KLHL6: variants seen among roughly 807,000 people sequenced by gnomAD.
KLHL6 encodes the protein kelch-like protein 6.
Under a neutral mutation model 58.6 loss-of-function variants are expected in KLHL6, and 41 were observed. The observed-to-expected ratio is 0.70, with a 90% CI of 0.55 to 0.91. The LOEUF (loss-of-function observed/expected upper bound fraction) is 0.91. Among genes scored for constraint, KLHL6 ranks in the 40% least tolerant of loss-of-function variants. The pLI, the probability that KLHL6 is intolerant of heterozygous loss-of-function variation, is 0.00. For synonymous variants in KLHL6, 338 were observed against 322.7 expected, an observed-to-expected ratio of 1.05 and a Z score of -0.51; for missense variants, 714 against 805.6, an observed-to-expected ratio of 0.89 and a Z score of 1.38.
intron 1 of KLHL6, among the ~76,000 whole-genome samples, chr3:183,530,794 G>A (rs148008113): frequency 3.4e-4 from 51 of 151,396 alleles, no homozygotes; most frequent in East Asian, 2.3e-3. Context: ...TGGATTTGAC[G>A]GTAAAAAACA....
intron 4 of KLHL6, among the ~76,000 whole-genome samples, chr3:183,495,921 G>C (rs147998746): frequency 1.3e-5 from 2 of 152,204 alleles, no homozygotes; most frequent in African/African-American, 4.8e-5. Flanking sequence ...TTAAATAAAT[G>C]TTATTAGAAC....
chr3:183,523,463 C>A (rs1461953281), intron 2 of KLHL6, among the ~76,000 whole-genome samples: 1 of 152,220 alleles, frequency 6.6e-6, no homozygotes, highest in Non-Finnish European at 1.5e-5. Context: ...GCCAGATGAC[C>A]AAGCTCCCAC....
At chr3:183,536,790 T>C (rs1321093500) in intron 1 of KLHL6, among the ~76,000 whole-genome samples, 1 of 152,174 alleles carries the variant, frequency 6.6e-6, no homozygotes. Context: ...ACAACCCTTA[T>C]CTCTTCAGCA....
At chr3:183,549,371 G>A (rs898987830) in intron 1 of KLHL6, among the ~76,000 whole-genome samples, 1 of 152,190 alleles carries the variant, frequency 6.6e-6, no homozygotes, top group Non-Finnish European at 1.5e-5. Flanking sequence ...TTCCAATATT[G>A]TGGATCAGAA....
Position 183,499,548 on chromosome 3 carries a change from T to C in KLHL6, c.1147+42A>G. The C allele has an allele frequency of 1.5e-6, 2 of 1,358,014 alleles. No homozygotes were observed. The highest frequency in any genetic ancestry group is 2.0e-6 in the Non-Finnish European group (2 of 977,470). The allele number at this position is 1,358,014 out of a possible 1,614,324, so 84.1% of individuals were successfully genotyped here. On this transcript the variant is annotated intron_variant, in intron 4 of 6. Transcript: ENST00000341319. This position sits in a 1 kb window ranked among gnomAD's most constrained non-coding sequence, Gnocchi z 4.6. The stretch of plus-strand genomic sequence containing the variant: ...GGCTGCCACTCAGGAATATATGTAG[T>C]GCTACTGGAGCTTGCTTTGCCTTTA...
At chr3:183,549,890 A>G (rs1279333125) in intron 1 of KLHL6, among the ~76,000 whole-genome samples, 4 of 152,168 alleles carry the variant, frequency 2.6e-5, no homozygotes, top group Non-Finnish European at 4.4e-5. Context: ...TCTGGGCAAC[A>G]TAGGGAGACC....
Position 183,503,184 on chromosome 3 carries a change from A to G in KLHL6, c.910-3357T>C, listed in dbSNP as rs769642564. On this transcript the variant is annotated intron_variant, in intron 3 of 6. Transcript: ENST00000341319. ...GCACCTTAATGACTGCTCACTGTCC[A>G]CAGATCTTATACTAGGGGACAGAGT... Among the ~76,000 whole-genome samples, 11 of 152,382 alleles carry G rather than the reference A, an allele frequency of 7.2e-5. No individual in the cohort carries two copies. The South Asian group carries it at 8.3e-4, about 11-fold the overall frequency.
In KLHL6 at chr3:183,492,097, G is replaced by T; in HGVS notation, c.1696C>A (p.Arg566=). 6.2e-7 allele frequency: 1 copy of T among 1,613,746 alleles called. No homozygotes were observed. Among genetic ancestry groups the T allele is most frequent in the South Asian group, 1.1e-5 (1 of 91,074 alleles). The change falls in exon 7 of 7, where the codon CGG becomes AGG. Residue 566 remains arginine, a synonymous_variant. Transcript: ENST00000341319. The surrounding 1 kb of genome is among the most constrained non-coding windows in gnomAD (Gnocchi z 5.9). ...CNNRLYITGG[R]DEKNEVIATV... is the part of the protein sequence containing the mutation. Reference sequence around the variant, plus strand: ...GCGATAACCTCGTTCTTCTCGTCCCGCCCGCCGGTGATGTAGAGCCGGTTG... The same window carrying T: ...GCGATAACCTCGTTCTTCTCGTCCCTCCCGCCGGTGATGTAGAGCCGGTTG...
intron 3 of KLHL6, among the ~76,000 whole-genome samples, chr3:183,506,811 G>C (rs1340254006): frequency 6.6e-6 from 1 of 150,728 alleles, no homozygotes; most frequent in Non-Finnish European, 1.5e-5. Flanking sequence ...CTGGGCAACA[G>C]AGCAAGACCT....
rs184776503 is a variant in KLHL6, at chr3:183,538,099, C to T, written c.294-10089G>A. Among the ~76,000 whole-genome samples the T allele has an allele frequency of 2.5e-3, 377 of 152,218 alleles. 1 individual carries two copies. The highest frequency in any genetic ancestry group is 4.3e-3 in the Non-Finnish European group (294 of 67,998). On this transcript the variant is annotated intron_variant, in intron 1 of 6. Coordinates refer to ENST00000341319, the MANE Select transcript of KLHL6 (RefSeq NM_130446.4). ...AAATATATCTGGAGGATGAGGCCCTCCACCGCCACTAGGGAACTCCTATCA... is the reference window on the plus strand; with the variant it reads ...AAATATATCTGGAGGATGAGGCCCTTCACCGCCACTAGGGAACTCCTATCA...
rs565419311 is a variant in KLHL6 at position 183,499,882 on chromosome 3, G to C, written c.910-55C>G. On this transcript the variant is annotated intron_variant, in intron 3 of 6. Coordinates refer to ENST00000341319, the MANE Select transcript of KLHL6 (RefSeq NM_130446.4). This position sits in a 1 kb window ranked among gnomAD's most constrained non-coding sequence, Gnocchi z 4.6. ...GGGACAACACAAAGTTTCAGAGCTC[G>C]GGCTATGGAGCCATTAGGAGTCGGG... 4.3e-4 allele frequency: 585 copies of C among 1,375,412 alleles called. 6 individuals are homozygous for C. The South Asian group carries it at 7.6e-3, about 18-fold the overall frequency. 85.2% of individuals were successfully genotyped at this position (1,375,412 alleles called of 1,614,324 possible). A position where few individuals can be genotyped will look rare whatever the true frequency, so the allele number is the denominator to read the frequency against.
intron 3 of KLHL6, among the ~76,000 whole-genome samples, chr3:183,506,704 T>C (rs891085626): frequency 3.3e-5 from 5 of 152,032 alleles, no homozygotes; most frequent in Non-Finnish European, 5.9e-5. Context: ...AGCACATGCC[T>C]GTACTCCCAG....
In KLHL6 at chr3:183,521,970, C is replaced by T. The variant is rs151209965; in HGVS notation, c.459+5875G>A. Among the ~76,000 whole-genome samples, 364 of 148,780 alleles carry T rather than the reference C, an allele frequency of 2.4e-3. 5 individuals carry two copies. Among genetic ancestry groups the T allele is most frequent in the Non-Finnish European group, 1.2e-3 (84 of 67,300 alleles). ...TCCACCTCCCAAAGTGCTGGGATTA[C>T]AGGCGTGAGCCACCGTGCCTGGCTA... On this transcript the variant is annotated intron_variant, in intron 2 of 6. Coordinates refer to ENST00000341319, the MANE Select transcript of KLHL6 (RefSeq NM_130446.4).
Position 183,531,441 on chromosome 3 carries a change from G to GTATTTTTTTTTTTTTTTTT in KLHL6, c.294-3432_294-3431insAAAAAAAAAAAAAAAAATA, listed in dbSNP as rs1367673441. 2.9e-5 allele frequency among the ~76,000 whole-genome samples: 3 copies of GTATTTTTTTTTTTTTTTTT among 102,100 alleles called. 1 individual carries two copies. Among genetic ancestry groups the GTATTTTTTTTTTTTTTTTT allele is most frequent in the Non-Finnish European group, 6.5e-5 (3 of 45,836 alleles). The allele number at this position is 102,100 out of a possible 152,430, so 67.0% of individuals were successfully genotyped here. A position where few individuals can be genotyped will look rare whatever the true frequency, so the allele number is the denominator to read the frequency against. On this transcript the variant is annotated intron_variant, in intron 1 of 6. Transcript: ENST00000341319. Reference sequence around the variant, plus strand: ...CCTTCTTTCTGTTCTTTTTTTGTCTGTGTTTTTTTTTTTTTTTTTTTTTTT... The same window carrying GTATTTTTTTTTTTTTTTTT: ...CCTTCTTTCTGTTCTTTTTTTGTCTGTATTTTTTTTTTTTTTTTTTGTTTTTTTTTTTTTTTTTTTTTTT...
chr3:183,546,103 A>G (rs1712708927), intron 1 of KLHL6, among the ~76,000 whole-genome samples: 1 of 152,200 alleles, frequency 6.6e-6, no homozygotes, highest in Non-Finnish European at 1.5e-5. Flanking sequence ...CCCATGATGG[A>G]TGATGCCTTC....
chr3:183,512,207 C>A (rs1468398606), intron 2 of KLHL6, among the ~76,000 whole-genome samples: 3 of 152,104 alleles, frequency 2.0e-5, no homozygotes, highest in African/African-American at 7.2e-5. Context: ...TAAATGGTAG[C>A]CCCCAGTGCA....
chr3:183,552,836 T>C (rs914922282), intron 1 of KLHL6, among the ~76,000 whole-genome samples: 3 of 151,498 alleles, frequency 2.0e-5, no homozygotes, highest in African/African-American at 7.3e-5. Context: ...CGAGAGAGTG[T>C]GTCAGATTTA....
At chr3:183,542,371 A>C (rs1441740600) in intron 1 of KLHL6, among the ~76,000 whole-genome samples, 1 of 152,160 alleles carries the variant, frequency 6.6e-6, no homozygotes, top group Admixed American at 6.5e-5. Flanking sequence ...CCTGTCTCTC[A>C]GCCTTATTGG....
intron 4 of KLHL6, among the ~76,000 whole-genome samples, chr3:183,497,427 A>G (rs1248927894): frequency 1.3e-5 from 2 of 152,202 alleles, no homozygotes; most frequent in East Asian, 3.9e-4. Flanking sequence ...AAAGAAAAAA[A>G]GAATAACACG....
Sources: gnomAD v4.1 joint callset for allele counts (sites outside exome capture counted in the v4.1 genomes callset) on GRCh38, gnomAD v4.1.1 for gene constraint, Gnocchi (gnomAD v3.1) non-coding constraint, MANE v1.5 for transcripts, NCBI Gene and HGNC (gene_info 2026-07-23, HGNC 2026-07-21) for gene names.